PLPPR1: variants seen among roughly 807,000 people sequenced by gnomAD.
PLPPR1 encodes the protein phospholipid phosphatase-related protein type 1.
Under a neutral mutation model 33.1 loss-of-function variants are expected in PLPPR1, and 10 were observed. The ratio of observed to expected loss-of-function variants is 0.30; its 90% confidence interval spans 0.19 to 0.51. PLPPR1 has a LOEUF of 0.51. PLPPR1 is among the 20% of genes least tolerant of loss of function. The pLI is 0.97. For missense variants in PLPPR1, 304 were observed against 408.1 expected (o/e 0.74, Z 2.20); for synonymous variants, 151 against 151.0 (o/e 1.00, Z 0.00).
rs916740580 is a variant in PLPPR1 at position 101,324,068 on chromosome 9, G to A, written c.*11G>A. 9.9e-6 allele frequency: 16 copies of A among 1,609,524 alleles called. No individual in the cohort carries two copies. The highest frequency in any genetic ancestry group is 4.5e-5 in the East Asian group (2 of 44,834). On this transcript the variant is annotated 3_prime_UTR_variant, in exon 8 of 8. Coordinates refer to ENST00000374874, the MANE Select transcript of PLPPR1 (RefSeq NM_207299.2). ...ACCGAAGTTACCTGAGACGACTGAT[G>A]TGTCACAAGCTGTTTTTTAAAATCA...
At chr9:101,153,872 C>G (rs138279177) in intron 1 of PLPPR1, among the ~76,000 whole-genome samples, 1 of 152,010 alleles carries the variant, frequency 6.6e-6, no homozygotes, top group African/African-American at 2.4e-5. Context: ...CGTGAGCCAC[C>G]GTGCCTGGCC....
intron 4 of PLPPR1, among the ~76,000 whole-genome samples, chr9:101,303,928 C>T (rs1284878879): frequency 6.6e-6 from 1 of 152,156 alleles, no homozygotes; most frequent in Non-Finnish European, 1.5e-5. Flanking sequence ...TAAAACTACC[C>T]ATCAATACTT....
At chr9:101,035,481 G>A (rs779576630) in intron 1 of PLPPR1, among the ~76,000 whole-genome samples, 12 of 151,982 alleles carry the variant, frequency 7.9e-5, no homozygotes, top group African/African-American at 2.2e-4. Context: ...CAGGCCTTTC[G>A]CCATGCTGTT....
intron 2 of PLPPR1, among the ~76,000 whole-genome samples, chr9:101,250,776 T>C (rs906873302): frequency 6.6e-6 from 1 of 152,084 alleles, no homozygotes; most frequent in Non-Finnish European, 1.5e-5. Flanking sequence ...CCAAATTCCA[T>C]GCCAAACTTC....
intron 2 of PLPPR1, among the ~76,000 whole-genome samples, chr9:101,265,622 T>G (rs977149232): frequency 1.3e-5 from 2 of 152,232 alleles, no homozygotes; most frequent in Non-Finnish European, 2.9e-5. Flanking sequence ...TGCAGTGAGA[T>G]GGATCTCTCT....
intron 1 of PLPPR1, among the ~76,000 whole-genome samples, chr9:101,078,773 T>C (rs1292691686): frequency 2.0e-5 from 3 of 152,116 alleles, no homozygotes; most frequent in Admixed American, 6.5e-5. Flanking sequence ...CTCTCCTCTA[T>C]CTTCATTCCC....
chr9:101,276,108 T>C (rs1828186904), intron 3 of PLPPR1, among the ~76,000 whole-genome samples: 1 of 152,174 alleles, frequency 6.6e-6, no homozygotes, highest in South Asian at 2.1e-4. Flanking sequence ...TGTAGGGTCT[T>C]GTACTTCCTC....
chr9:101,074,935 G>A (rs544590224), intron 1 of PLPPR1, among the ~76,000 whole-genome samples: 2 of 152,164 alleles, frequency 1.3e-5, no homozygotes, highest in South Asian at 4.1e-4. Context: ...TCCTTCCCAA[G>A]CAAAAGAAAT....
rs538350234 is a variant in PLPPR1, at chr9:101,286,021, AGTTTT to A, written c.253-72_253-68del. On this transcript the variant is annotated intron_variant, in intron 3 of 7. Coordinates refer to ENST00000374874, the MANE Select transcript of PLPPR1 (RefSeq NM_207299.2). ...TTTAAAATGATTGTGGGTCCTCAAC[AGTTTT>A]GTTTTGTTTTTAAAGCCATGGGCCT... is the stretch of plus-strand genomic sequence containing the variant. 18 of 1,088,114 alleles carry A rather than the reference AGTTTT, an allele frequency of 1.7e-5. No individual in the cohort carries two copies. The South Asian group carries it at 2.8e-4, about 17-fold the overall frequency. 67.4% of individuals were successfully genotyped at this position (1,088,114 alleles called of 1,614,324 possible).
At chr9:101,082,073 T>C (rs938154774) in intron 1 of PLPPR1, among the ~76,000 whole-genome samples, 1 of 152,220 alleles carries the variant, frequency 6.6e-6, no homozygotes, top group Non-Finnish European at 1.5e-5. Flanking sequence ...GGCTTCATTT[T>C]TGAGAGTGGA....
At chr9:101,312,057 C>T (rs13440426) in intron 5 of PLPPR1, among the ~76,000 whole-genome samples, 10 of 152,102 alleles carry the variant, frequency 6.6e-5, no homozygotes, top group Non-Finnish European at 1.2e-4. Flanking sequence ...GGTGTCATAA[C>T]GTGTATCATC....
intron 3 of PLPPR1, among the ~76,000 whole-genome samples, chr9:101,272,118 CAAT>C (rs1828112356): frequency 6.6e-6 from 1 of 152,036 alleles, no homozygotes; most frequent in African/African-American, 2.4e-5. Context: ...GCTTACATCT[CAAT>C]AAAATTGAAA....
At chr9:101,312,026 A>G (rs1588122543) in intron 5 of PLPPR1, among the ~76,000 whole-genome samples, 1 of 152,200 alleles carries the variant, frequency 6.6e-6, no homozygotes, top group East Asian at 1.9e-4. Context: ...CAACAAACTA[A>G]TAACAGCCGC....
chr9:101,203,427 A>G (rs755766776), intron 2 of PLPPR1, among the ~76,000 whole-genome samples: 4 of 152,120 alleles, frequency 2.6e-5, no homozygotes, highest in Admixed American at 6.6e-5. Flanking sequence ...TTGGATTTTC[A>G]TCTTCATTCT....
intron 2 of PLPPR1, among the ~76,000 whole-genome samples, chr9:101,233,933 T>C (rs1479407569): frequency 6.6e-6 from 1 of 151,958 alleles, no homozygotes; most frequent in African/African-American, 2.4e-5. Context: ...AATTCCAAAG[T>C]CAGCTAAGGC....
At chr9:101,097,556 C>T (rs1830835354) in intron 1 of PLPPR1, among the ~76,000 whole-genome samples, 1 of 152,146 alleles carries the variant, frequency 6.6e-6, no homozygotes, top group African/African-American at 2.4e-5. Flanking sequence ...AGTGCTAGTA[C>T]CATCTGAGTA....
At position 101,233,050 on chromosome 9, in the gene PLPPR1, A is replaced by T. The variant is rs371986989; in HGVS notation, c.64-36830A>T. Among the ~76,000 whole-genome samples, 82 of 152,154 alleles carry T rather than the reference A, an allele frequency of 5.4e-4. No homozygotes were observed. The South Asian group carries it at 8.7e-3, about 16-fold the overall frequency. Reference sequence around the variant, plus strand: ...CTTCAGATTCCAAACCTGTGTTGGAATATACGTCTCATACATAGGACTAAT... The same window carrying T: ...CTTCAGATTCCAAACCTGTGTTGGATTATACGTCTCATACATAGGACTAAT... On this transcript the variant is annotated intron_variant, in intron 2 of 7. Transcript: ENST00000374874.
chr9:101,238,615 C>T (rs935309451), intron 2 of PLPPR1, among the ~76,000 whole-genome samples: 30 of 151,378 alleles, frequency 2.0e-4, no homozygotes, highest in African/African-American at 7.3e-4. Flanking sequence ...GATTAATAGA[C>T]ATTGGAGACA....
intron 2 of PLPPR1, among the ~76,000 whole-genome samples, chr9:101,250,580 T>C (rs1452543454): frequency 6.6e-6 from 1 of 152,036 alleles, no homozygotes; most frequent in East Asian, 1.9e-4. Flanking sequence ...TTGTTTTTGC[T>C]CCTCATTGCT....
Sources: allele counts gnomAD v4.1 joint callset (sites outside exome capture counted in the v4.1 genomes callset), GRCh38; gene constraint gnomAD v4.1.1; transcripts MANE v1.5; gene names NCBI Gene and HGNC (gene_info 2026-07-23, HGNC 2026-07-21).